Variants in KIAA1217 observed in about 807,000 individuals in gnomAD.
The protein encoded by KIAA1217 is sickle tail protein homolog.
Under a neutral mutation model 163.9 loss-of-function variants are expected in KIAA1217, and 88 were observed. The ratio of observed to expected loss-of-function variants is 0.54; its 90% CI spans 0.45 to 0.64. The LOEUF is 0.64. Ranked by LOEUF, KIAA1217 falls within the 30% of genes least tolerant of loss-of-function variation. KIAA1217 has a pLI of 0.00. For synonymous variants in KIAA1217, 903 were observed against 923.1 expected (o/e 0.98, Z 0.39); for missense variants, 2,372 against 2,475.0 (o/e 0.96, Z 0.88).
chr10:24,353,333 T>G (rs1316546416), intron 2 of KIAA1217, among the ~76,000 whole-genome samples: 1 of 152,232 alleles, frequency 6.6e-6, no homozygotes, highest in Non-Finnish European at 1.5e-5. Context: ...CAAACATATT[T>G]CTCATTAGAT....
intron 1 of KIAA1217, among the ~76,000 whole-genome samples, chr10:23,770,278 T>G (rs1834735374): frequency 6.6e-6 from 1 of 152,254 alleles, no homozygotes; most frequent in Non-Finnish European, 1.5e-5. Context: ...CACCAGACAC[T>G]GTCCTAAAAT....
chr10:23,910,272 C>T (rs1842377765), intron 1 of KIAA1217, among the ~76,000 whole-genome samples: 2 of 151,004 alleles, frequency 1.3e-5, no homozygotes, highest in Admixed American at 6.6e-5. Context: ...ACATTCTGCA[C>T]GTGTACCCCA....
At chr10:23,820,371 C>T (rs574081861) in intron 1 of KIAA1217, among the ~76,000 whole-genome samples, 58 of 152,284 alleles carry the variant, frequency 3.8e-4, no homozygotes, top group Non-Finnish European at 7.5e-4. Context: ...TCTATGATTA[C>T]CCATGTGAGA....
intron 1 of KIAA1217, among the ~76,000 whole-genome samples, chr10:23,799,816 C>T (rs1025125528): frequency 1.3e-5 from 2 of 152,064 alleles, no homozygotes; most frequent in African/African-American, 2.4e-5. Flanking sequence ...CAAGGACCAC[C>T]GTCTTTGGAA....
intron 2 of KIAA1217, among the ~76,000 whole-genome samples, chr10:24,325,251 CTTTCAGGTATGGAACTCAGCTCTTTGA>C (rs2044715011): frequency 6.6e-6 from 1 of 152,168 alleles, no homozygotes. Context: ...TTTCTTCTAT[CTTTCAGGTATGGAACTCAGCTCTTTGA>C]TTTCAAGGAG....
intron 5 of KIAA1217, among the ~76,000 whole-genome samples, chr10:24,447,032 C>T (rs904121701): frequency 1.1e-4 from 16 of 152,052 alleles, no homozygotes; most frequent in African/African-American, 3.6e-4. Flanking sequence ...AACCCAGAAG[C>T]CACTCTCTTC....
intron 2 of KIAA1217, among the ~76,000 whole-genome samples, chr10:24,063,543 C>A (rs1488093366): frequency 6.6e-6 from 1 of 152,168 alleles, no homozygotes; most frequent in Non-Finnish European, 1.5e-5. Context: ...GTTACTGTAG[C>A]CTTGTAGTAT....
At chr10:23,883,927 G>A (rs1380319559) in intron 1 of KIAA1217, among the ~76,000 whole-genome samples, 2 of 151,744 alleles carry the variant, frequency 1.3e-5, no homozygotes, top group Non-Finnish European at 2.9e-5. Flanking sequence ...AATTTCCTCC[G>A]CATATTTTCA....
intron 2 of KIAA1217, among the ~76,000 whole-genome samples, chr10:24,358,535 G>C (rs1313924976): frequency 6.6e-6 from 1 of 152,242 alleles, no homozygotes; most frequent in South Asian, 2.1e-4. Flanking sequence ...ATTTGTATGA[G>C]AATATTAACT....
intron 1 of KIAA1217, among the ~76,000 whole-genome samples, chr10:23,779,062 T>C (rs1835134956): frequency 6.6e-6 from 1 of 152,218 alleles, no homozygotes; most frequent in Non-Finnish European, 1.5e-5. Flanking sequence ...ACATTTTCAT[T>C]CAATGTTTTT....
At chr10:24,093,512 C>G (rs2062022036) in intron 2 of KIAA1217, among the ~76,000 whole-genome samples, 1 of 151,574 alleles carries the variant, frequency 6.6e-6, no homozygotes, top group Admixed American at 6.6e-5. Flanking sequence ...CTATGTTGCC[C>G]AAGCTGGTCT....
intron 1 of KIAA1217, among the ~76,000 whole-genome samples, chr10:23,808,668 G>A (rs147287205): frequency 1.6e-4 from 25 of 151,850 alleles, no homozygotes; most frequent in African/African-American, 3.6e-4. Context: ...AAATTTAAGA[G>A]AAGAAAAAAT....
intron 2 of KIAA1217, among the ~76,000 whole-genome samples, chr10:24,107,154 C>A (rs1053500051): frequency 2.0e-5 from 3 of 152,162 alleles, no homozygotes; most frequent in African/African-American, 7.2e-5. Context: ...TCTGTTGCTG[C>A]GTTAATTCAC....
chr10:24,111,385 T>C (rs964678009), intron 2 of KIAA1217, among the ~76,000 whole-genome samples: 9 of 152,120 alleles, frequency 5.9e-5, no homozygotes, highest in Non-Finnish European at 1.0e-4. Context: ...AATAACGCAA[T>C]ATTCTCTTCT....
chr10:23,878,946 T>G (rs1049556129), intron 1 of KIAA1217, among the ~76,000 whole-genome samples: 5 of 151,922 alleles, frequency 3.3e-5, no homozygotes, highest in African/African-American at 1.2e-4. Flanking sequence ...TGGAGAAGAC[T>G]GCAAAAACAA....
intron 1 of KIAA1217, among the ~76,000 whole-genome samples, chr10:23,849,539 A>T (rs1361282051): frequency 6.6e-6 from 1 of 152,088 alleles, no homozygotes; most frequent in Non-Finnish European, 1.5e-5. Flanking sequence ...TCAGGATAAC[A>T]TCCTCCTAAA....
chr10:24,133,001 T>C (rs993320632), intron 2 of KIAA1217, among the ~76,000 whole-genome samples: 2 of 151,682 alleles, frequency 1.3e-5, no homozygotes, highest in Non-Finnish European at 2.9e-5. Context: ...AAGTTGTTGC[T>C]GGTTGAAATC....
intron 3 of KIAA1217, among the ~76,000 whole-genome samples, chr10:24,396,853 AGAGGT>A (rs1359966441): frequency 6.6e-6 from 1 of 152,208 alleles, no homozygotes; most frequent in Non-Finnish European, 1.5e-5. Flanking sequence ...GCTTCATTGC[AGAGGT>A]AGGATCAGTG....
intron 2 of KIAA1217, among the ~76,000 whole-genome samples, chr10:24,026,742 ATT>A: frequency 0.095 from 6,643 of 70,166 alleles, 207 homozygotes; most frequent in Middle Eastern, 0.17. Flanking sequence ...TATTTCATTG[ATT>A]TTTTTTTTTT....
Sources: gnomAD v4.1 joint callset for allele counts (sites outside exome capture counted in the v4.1 genomes callset) on GRCh38, gnomAD v4.1.1 for gene constraint, MANE v1.5 for transcripts, NCBI Gene and HGNC (gene_info 2026-07-23, HGNC 2026-07-21) for gene names.